Variants in CFDP1 observed in about 807,000 individuals in gnomAD.
CFDP1 encodes the protein heterochromatin-stabilizing protein CFDP1.
CFDP1 carries 31 observed loss-of-function variants against 40.1 expected under a neutral mutation model. That is an observed-to-expected ratio of 0.77 (90% CI 0.58 to 1.04). The LOEUF (loss-of-function observed/expected upper bound fraction) is 1.04, where lower values mean the gene tolerates loss of function less well. Ranked by LOEUF, CFDP1 falls within the 50% of genes least tolerant of loss-of-function variation. CFDP1 has a pLI of 0.00. For missense variants in CFDP1, 423 were observed against 343.4 expected, an observed-to-expected ratio of 1.23 and a Z score of -1.83; for synonymous variants, 167 against 120.0, an observed-to-expected ratio of 1.39 and a Z score of -2.56.
intron 1 of CFDP1, 87 bp from the exon 2 acceptor site, chr16:75,414,782 G>C (rs998202288): frequency 1.2e-6 from 1 of 832,208 alleles, no homozygotes. Flanking sequence ...CTTTCACACC[G>C]AGACATTTTC....
At chr16:75,302,186 T>C (rs2078226023) in intron 6 of CFDP1, among the ~76,000 whole-genome samples, 1 of 152,220 alleles carries the variant, frequency 6.6e-6, no homozygotes, top group African/African-American at 2.4e-5. Context: ...CTTTTTAATC[T>C]TGTTTTCCCT....
Position 75,395,173 on chromosome 16 carries a change from G to A in CFDP1, c.567C>T (p.Ala189=). ...TKEVDATSKE[A]KSFFKQNEKE... ...TCTCATTCTGCTTGAAGAAGGATTT[G>A]GCCTCTTTAGATGTAGCATCCACTT... Residue 189 remains alanine (A), a synonymous_variant, in exon 5 of 7, where the codon GCC becomes GCT. Transcript: ENST00000283882. 6.2e-7 allele frequency: 1 copy of A among 1,613,238 alleles called. No homozygotes were observed.
Position 75,296,143 on chromosome 16 carries a change from T to C in CFDP1, c.810-2101A>G, listed in dbSNP as rs921286895. Among the ~76,000 whole-genome samples, 233 of 152,326 alleles carry C rather than the reference T, an allele frequency of 1.5e-3. 1 individual carries two copies. Among genetic ancestry groups the C allele is most frequent in the African/African-American group, 5.3e-3 (221 of 41,574 alleles). ...TTCACCTGGGGGTGTAAGAGGAATT[T>C]AGGGTGTGTTTCAAGAGCCATCTTC... On this transcript the variant is annotated intron_variant, in intron 6 of 6. Coordinates refer to ENST00000283882, the MANE Select transcript of CFDP1 (RefSeq NM_006324.3).
At chr16:75,321,215 T>C (rs1423365044) in intron 5 of CFDP1, among the ~76,000 whole-genome samples, 1 of 152,228 alleles carries the variant, frequency 6.6e-6, no homozygotes, top group Non-Finnish European at 1.5e-5. Flanking sequence ...TCCTCCTACC[T>C]CGGCATTCCA....
chr16:75,313,819 T>C (rs1250837984), intron 5 of CFDP1, among the ~76,000 whole-genome samples: 1 of 150,318 alleles, frequency 6.7e-6, no homozygotes, highest in Non-Finnish European at 1.5e-5. Context: ...AAAGTCTGAG[T>C]TGCTGCCCCT....
At chr16:75,412,815 C>G in intron 2 of CFDP1, 61 bp from the exon 3 acceptor site, 2 of 1,302,500 alleles carry the variant, frequency 1.5e-6, no homozygotes, top group South Asian at 1.2e-5. Context: ...AGTTATCCCT[C>G]TCCCAATCCC....
intron 5 of CFDP1, among the ~76,000 whole-genome samples, chr16:75,331,309 G>A (rs192622961): frequency 6.6e-6 from 1 of 152,278 alleles, no homozygotes; most frequent in Non-Finnish European, 1.5e-5. Context: ...TAGAGACAGA[G>A]TCTTGCTATG....
intron 5 of CFDP1, among the ~76,000 whole-genome samples, chr16:75,363,223 G>C (rs1262529668): frequency 6.8e-6 from 1 of 147,104 alleles, no homozygotes; most frequent in African/African-American, 2.5e-5. Context: ...GAATGACAAA[G>C]AAATCTTTGA....
At chr16:75,325,624 G>C (rs1159770667) in intron 5 of CFDP1, among the ~76,000 whole-genome samples, 1 of 152,232 alleles carries the variant, frequency 6.6e-6, no homozygotes, top group Non-Finnish European at 1.5e-5. Context: ...TGGAACGAAT[G>C]TCTATTTTGT....
chr16:75,371,913 G>A (rs962639625), intron 5 of CFDP1, among the ~76,000 whole-genome samples: 11 of 152,074 alleles, frequency 7.2e-5, no homozygotes, highest in Admixed American at 4.6e-4. Context: ...GATCAACCTT[G>A]TTATTTAAAA....
chr16:75,350,576 G>A (rs2078603893), intron 5 of CFDP1, among the ~76,000 whole-genome samples: 1 of 152,130 alleles, frequency 6.6e-6, no homozygotes, highest in African/African-American at 2.4e-5. Context: ...AACTTAAGTA[G>A]AGGATAGCCT....
intron 4 of CFDP1, among the ~76,000 whole-genome samples, chr16:75,405,685 A>C (rs1212285457): frequency 1.3e-5 from 2 of 149,932 alleles, no homozygotes; most frequent in Non-Finnish European, 1.5e-5. Context: ...AAGGAGGTAA[A>C]GTTGCAGTGA....
At position 75,341,660 on chromosome 16, in the gene CFDP1, G is replaced by GA. The variant is rs368140322; in HGVS notation, c.651-36479dup. On this transcript the variant is annotated intron_variant, in intron 5 of 6. Transcript: ENST00000283882. ...GAAGGTTTCAGCAGAGTGTAGAAAG[G>GA]AAAAAAAAAAAAGGCCTGACCCTGC... is the stretch of plus-strand genomic sequence containing the variant. Among the ~76,000 whole-genome samples, 1,038 of 138,668 alleles carry GA rather than the reference G, an allele frequency of 7.5e-3. 4 individuals carry two copies. The highest frequency in any genetic ancestry group is 0.024 in the African/African-American group (905 of 38,046). The allele number at this position is 138,668 out of a possible 152,430, so 91.0% of individuals were successfully genotyped here. A position where few individuals can be genotyped will look rare whatever the true frequency, so the allele number is the denominator to read the frequency against.
chr16:75,385,545 A>C (rs944012355), intron 5 of CFDP1, among the ~76,000 whole-genome samples: 2 of 109,214 alleles, frequency 1.8e-5, no homozygotes, highest in Non-Finnish European at 4.5e-5. Flanking sequence ...AGTTGAAAAA[A>C]AAAATTCTAA....
chr16:75,372,641 A>C (rs2078761965), intron 5 of CFDP1: 1 of 152,238 alleles, frequency 6.6e-6, no homozygotes, highest in Admixed American at 6.5e-5. Context: ...TCTGGAAGCC[A>C]ATCTACTTGC....
intron 5 of CFDP1, among the ~76,000 whole-genome samples, chr16:75,382,793 A>G (rs1418563168): frequency 1.3e-5 from 2 of 152,212 alleles, no homozygotes; most frequent in Non-Finnish European, 2.9e-5. Flanking sequence ...ACCTCTGGCC[A>G]AACAAGTCAT....
At chr16:75,428,654 G>A (rs543696043) in intron 1 of CFDP1, among the ~76,000 whole-genome samples, 1 of 150,596 alleles carries the variant, frequency 6.6e-6, no homozygotes, top group Non-Finnish European at 1.5e-5. Context: ...AAGAAGGGCG[G>A]AGAGGGAGAG....
chr16:75,366,422 G>A (rs4888390), intron 5 of CFDP1, among the ~76,000 whole-genome samples: 79,507 of 151,874 alleles, frequency 0.52, 21,771 homozygotes, highest in Admixed American at 0.64. Flanking sequence ...AGGCAGCTCA[G>A]TATCAGCCTG....
chr16:75,417,808 T>G (rs1453632493), intron 1 of CFDP1, among the ~76,000 whole-genome samples: 2 of 151,982 alleles, frequency 1.3e-5, no homozygotes, highest in Non-Finnish European at 2.9e-5. Flanking sequence ...TCAAGATGCA[T>G]TCCAAAGACA....
Sources: gnomAD v4.1 joint callset for allele counts (sites outside exome capture counted in the v4.1 genomes callset) on GRCh38, gnomAD v4.1.1 for gene constraint, MANE v1.5 for transcripts, NCBI Gene and HGNC (gene_info 2026-07-23, HGNC 2026-07-21) for gene names.